The following C1orf146 variants were observed in gnomAD, a reference collection of about 807,000 sequenced individuals.
C1orf146 encodes the protein protein SPO16 homolog.
A neutral mutation model predicts 23.0 loss-of-function variants in C1orf146; 22 were observed. That is an observed-to-expected ratio of 0.96 (90% CI 0.68 to 1.36). The LOEUF (loss-of-function observed/expected upper bound fraction) is 1.36. C1orf146 is among the 40% of genes most tolerant of loss of function. The pLI is 0.00. For missense variants in C1orf146, 199 were observed against 206.8 expected (o/e 0.96, Z 0.23); for synonymous variants, 59 against 65.3 (o/e 0.90, Z 0.47).
chr1:92,234,310 T>G (rs1362658931), intron 2 of C1orf146, among the ~76,000 whole-genome samples: 3 of 152,234 alleles, frequency 2.0e-5, no homozygotes, highest in Non-Finnish European at 4.4e-5. Flanking sequence ...ATTGAGAGTT[T>G]TTAGCATGAA....
intron 1 of C1orf146, among the ~76,000 whole-genome samples, chr1:92,219,273 G>A (rs978213835): frequency 1.3e-4 from 20 of 152,252 alleles, no homozygotes; most frequent in African/African-American, 4.8e-4. Context: ...TGTCTACTGA[G>A]TGCCAGGTGC....
At chr1:92,230,295 C>G (rs1454966246) in intron 1 of C1orf146, among the ~76,000 whole-genome samples, 1 of 148,726 alleles carries the variant, frequency 6.7e-6, no homozygotes, top group Non-Finnish European at 1.5e-5. Flanking sequence ...AGACCTGCCC[C>G]CGATCTCCAC....
chr1:92,219,191 G>A (rs1651759347), intron 1 of C1orf146, among the ~76,000 whole-genome samples: 1 of 152,140 alleles, frequency 6.6e-6, no homozygotes, highest in Non-Finnish European at 1.5e-5. Context: ...GTAAGTATGT[G>A]TAGGGGGGGT....
intron 2 of C1orf146, among the ~76,000 whole-genome samples, chr1:92,238,751 C>G (rs756747484): frequency 2.4e-4 from 36 of 152,162 alleles, no homozygotes; most frequent in Non-Finnish European, 4.1e-4. Context: ...CCCAAATTAG[C>G]TGACTTGTGT....
chr1:92,224,218 T>C (rs1047573991), intron 1 of C1orf146, among the ~76,000 whole-genome samples: 11 of 151,368 alleles, frequency 7.3e-5, no homozygotes, highest in African/African-American at 2.4e-4. Flanking sequence ...ACCTGGCTAA[T>C]TTTTTGTATT....
rs1385062951 is a variant in C1orf146, at chr1:92,242,265, A to G, written c.120A>G (p.Ser40=). Reference sequence around the variant, plus strand: ...ATCGAAGCCACAAAGTTCGATATTCAGATTCAGTGGAAAATGGATCAATTA... The same window carrying G: ...ATCGAAGCCACAAAGTTCGATATTCGGATTCAGTGGAAAATGGATCAATTA... ...LENRSHKVRY[S]DSVENGSIIF... The change falls in exon 3 of 6, where the codon TCA becomes TCG. Residue 40 remains serine, a synonymous_variant. Transcript: ENST00000370375. 6.2e-7 allele frequency: 1 copy of G among 1,602,822 alleles called. No homozygotes were observed. Among genetic ancestry groups the G allele is most frequent in the South Asian group, 1.1e-5 (1 of 89,054 alleles).
At position 92,242,228 on chromosome 1, in the gene C1orf146, C is replaced by T. The variant is rs373221562; in HGVS notation, c.83C>T (p.Thr28Ile). The T allele has an allele frequency of 5.0e-6, 8 of 1,589,438 alleles. No homozygotes were observed. The South Asian group carries it at 8.0e-5, about 16-fold the overall frequency. Residue 28 changes from threonine (T) to isoleucine (I), a missense_variant, in exon 3 of 6, where the codon ACT (threonine) becomes ATT (isoleucine). By Grantham distance (89) the Thr-to-Ile change is moderately conservative (BLOSUM62 -1). Transcript: ENST00000370375. ...SSSLKSYEVA[T>I]ALENRSHKVR... ...TTAAAAAAGAGTTATGAAGTTGCAA[C>T]TGCCCTAGAAAATCGAAGCCACAAA...
intron 2 of C1orf146, among the ~76,000 whole-genome samples, chr1:92,238,173 A>C (rs1170096087): frequency 2.0e-5 from 3 of 152,096 alleles, no homozygotes; most frequent in Non-Finnish European, 4.4e-5. Flanking sequence ...GCCTGCCCCC[A>C]CAACCTGCAC....
chr1:92,234,096 C>T (rs1213272722), intron 2 of C1orf146, among the ~76,000 whole-genome samples: 3 of 152,214 alleles, frequency 2.0e-5, no homozygotes, highest in Non-Finnish European at 4.4e-5. Flanking sequence ...ATTGAATAGC[C>T]TTTATTTCCT....
intron 3 of C1orf146, 65 bp downstream of exon 3, chr1:92,242,370 T>G (rs1264058926): frequency 1.2e-6 from 1 of 849,070 alleles, no homozygotes; most frequent in African/African-American, 1.7e-5. Flanking sequence ...TTCTAATGAC[T>G]TCATAGTTCA....
chr1:92,229,082 C>CT, intron 1 of C1orf146: 1 of 497,978 alleles, frequency 2.0e-6, no homozygotes, highest in East Asian at 4.8e-5. Context: ...TGCACATCTG[C>CT]TGGAAGGTGG....
intron 1 of C1orf146, among the ~76,000 whole-genome samples, chr1:92,225,377 G>GCCCC (rs1428999185): frequency 6.6e-6 from 1 of 152,198 alleles, no homozygotes; most frequent in African/African-American, 2.4e-5. Context: ...AAAGTGTTGG[G>GCCCC]ATTACAGGCG....
rs1652589966 is a variant in C1orf146, at chr1:92,245,529, T to C, written c.409-11T>C. Reference sequence around the variant, plus strand: ...CTGTAAATAATGCTGCATCTTTATATCTTCTTCCAGACTACCTCCAAACCA... The same window carrying C: ...CTGTAAATAATGCTGCATCTTTATACCTTCTTCCAGACTACCTCCAAACCA... On this transcript the variant is annotated splice_polypyrimidine_tract_variant and intron_variant, in intron 5 of 5. Coordinates refer to ENST00000370375, the MANE Select transcript of C1orf146 (RefSeq NM_001012425.2). 6.3e-7 allele frequency: 1 copy of C among 1,579,856 alleles called. No homozygotes were observed. Among genetic ancestry groups the C allele is most frequent in the African/African-American group, 1.4e-5 (1 of 73,306 alleles).
At chr1:92,245,240 A>G (rs1025225621) in intron 5 of C1orf146, among the ~76,000 whole-genome samples, 3 of 152,174 alleles carry the variant, frequency 2.0e-5, no homozygotes, top group African/African-American at 4.8e-5. Context: ...GTCCTCTGCA[A>G]AGTGTGCCCA....
chr1:92,218,354 T>C (rs1021186428), intron 1 of C1orf146, among the ~76,000 whole-genome samples: 3 of 151,972 alleles, frequency 2.0e-5, no homozygotes, highest in African/African-American at 7.3e-5. Flanking sequence ...TGAAGATCCT[T>C]GTAGGCCGGC....
At chr1:92,245,448 CTGAAAGAA>C in intron 5 of C1orf146, 84 bp from the exon 6 acceptor site, 1 of 965,872 alleles carries the variant, frequency 1.0e-6, no homozygotes, top group Non-Finnish European at 1.6e-6. Flanking sequence ...AAGAGATTTG[CTGAAAGAA>C]TGAAAGTCAG....
chr1:92,237,358 T>G (rs1174169224), intron 2 of C1orf146, among the ~76,000 whole-genome samples: 1 of 152,228 alleles, frequency 6.6e-6, no homozygotes, highest in Non-Finnish European at 1.5e-5. Flanking sequence ...TGTTGAAGTT[T>G]GCTAGAGGTC....
chr1:92,232,477 T>C (rs1435250088), intron 2 of C1orf146, among the ~76,000 whole-genome samples: 1 of 152,084 alleles, frequency 6.6e-6, no homozygotes, highest in Non-Finnish European at 1.5e-5. Context: ...CCATGGTGTA[T>C]ATGTGCCACA....
intron 1 of C1orf146, among the ~76,000 whole-genome samples, chr1:92,220,676 A>G (rs1342575140): frequency 6.6e-6 from 1 of 152,234 alleles, no homozygotes; most frequent in Non-Finnish European, 1.5e-5. Context: ...GACTGTATCT[A>G]TAAAATATTT....
Sources: gnomAD v4.1 joint callset for allele counts (sites outside exome capture counted in the v4.1 genomes callset) on GRCh38, gnomAD v4.1.1 for gene constraint, MANE v1.5 for transcripts, NCBI Gene and HGNC (gene_info 2026-07-23, HGNC 2026-07-21) for gene names.